The following USP18 variants were observed in gnomAD, a reference collection of about 807,000 sequenced individuals.
USP18 encodes the protein ubiquitin specific peptidase 18.
A neutral mutation model predicts 48.7 loss-of-function variants in USP18; 11 were observed. The ratio of observed to expected loss-of-function variants is 0.23; its 90% CI spans 0.14 to 0.37. The LOEUF is 0.37. USP18 is among the 10% of genes least tolerant of loss of function. The probability of loss-of-function intolerance (pLI) is 1.00; values close to 1 mark genes in which losing one functional copy is unlikely to be tolerated. For synonymous variants in USP18, 114 were observed against 163.2 expected (o/e 0.70, Z 2.30); for missense variants, 285 against 436.4 (o/e 0.65, Z 3.09).
intron 5 of USP18, among the ~76,000 whole-genome samples, chr22:18,167,554 T>C (rs369270993): frequency 1.2e-3 from 177 of 151,846 alleles, no homozygotes; most frequent in African/African-American, 4.2e-3. Flanking sequence ...AAAAATTAGC[T>C]GGGCGTGGTG....
At chr22:18,172,938 G>C (rs1929674695) in intron 8 of USP18, among the ~76,000 whole-genome samples, 1 of 150,098 alleles carries the variant, frequency 6.7e-6, no homozygotes, top group Admixed American at 6.6e-5. Context: ...TCCATCTCTT[G>C]CGTGCTCTGC....
Position 18,157,662 on chromosome 22 carries a change from G to T in USP18, c.-2G>T. The T allele has an allele frequency of 1.2e-6, 2 of 1,614,058 alleles. No homozygotes were observed. Among genetic ancestry groups the T allele is most frequent in the South Asian group, 2.2e-5 (2 of 91,072 alleles). The stretch of plus-strand genomic sequence containing the variant: ...GGCCTGGGGGTTTTGGAGTGATCAC[G>T]AATGAGCAAGGCGTTTGGGCTCCTG... On this transcript the variant is annotated 5_prime_UTR_variant, in exon 2 of 11. Transcript: ENST00000215794.
At chr22:18,168,681 C>T (rs1929548838) in intron 6 of USP18, among the ~76,000 whole-genome samples, 1 of 152,096 alleles carries the variant, frequency 6.6e-6, no homozygotes, top group Admixed American at 6.5e-5. Flanking sequence ...GCCACCTTGC[C>T]CTCCCCAATT....
chr22:18,150,284 T>C (rs1400322520), intron 1 of USP18, 62 bp downstream of exon 1: 1 of 152,242 alleles, frequency 6.6e-6, no homozygotes, highest in Non-Finnish European at 1.5e-5. Context: ...TCTGCTCCTA[T>C]GCCAGTCAGA....
chr22:18,160,004 T>C (rs1186962347), intron 2 of USP18, among the ~76,000 whole-genome samples, 168 bp from the exon 3 acceptor site: 1 of 151,628 alleles, frequency 6.6e-6, no homozygotes, highest in African/African-American at 2.4e-5. Context: ...TGTAGAGACA[T>C]GGTTTTACCA....
intron 4 of USP18, among the ~76,000 whole-genome samples, chr22:18,164,157 G>A (rs1025292108): frequency 8.9e-4 from 135 of 152,296 alleles, no homozygotes; most frequent in African/African-American, 3.2e-3. Flanking sequence ...AAACCAGTGG[G>A]AGCAGCTGTG....
intron 1 of USP18, among the ~76,000 whole-genome samples, chr22:18,154,828 T>C (rs1929087539): frequency 6.6e-6 from 1 of 152,226 alleles, no homozygotes; most frequent in African/African-American, 2.4e-5. Context: ...TTGATCCTTA[T>C]GGCTGTGTGT....
At chr22:18,175,319 G>T (rs563527358) in intron 10 of USP18, among the ~76,000 whole-genome samples, 1 of 152,082 alleles carries the variant, frequency 6.6e-6, no homozygotes, top group Non-Finnish European at 1.5e-5. Flanking sequence ...CTGTATATCA[G>T]AGATCCTATT....
chr22:18,153,333 G>A (rs1005579569), intron 1 of USP18, among the ~76,000 whole-genome samples: 2 of 151,146 alleles, frequency 1.3e-5, no homozygotes, highest in Non-Finnish European at 2.9e-5. Context: ...GGACACTAAG[G>A]CAGGGGAAGT....
In USP18 at chr22:18,173,794, T is replaced by G. The variant is rs1602534036; in HGVS notation, c.1025T>G (p.Val342Gly). ...FCFNDSNICL[V>G]SWEDIQCTYG... is the part of the protein sequence containing the mutation. ...ACCCCATTTGTTTCTGGCTTCCAGGTGTCCTGGGAAGACATCCAGTGTACC... is the reference window on the plus strand; with the variant it reads ...ACCCCATTTGTTTCTGGCTTCCAGGGGTCCTGGGAAGACATCCAGTGTACC... The change falls in exon 10 of 11, where the codon GTG becomes GGG. Residue 342 changes from valine to glycine, a missense_variant and splice_region_variant. This residue lies in a region of USP18 where 44 missense variants were observed against 64.4 expected (regional missense o/e 0.68). Transcript: ENST00000215794. 6.2e-7 allele frequency: 1 copy of G among 1,607,506 alleles called. No homozygotes were observed. Among genetic ancestry groups the G allele is most frequent in the Non-Finnish European group, 8.5e-7 (1 of 1,175,564 alleles).
chr22:18,168,791 C>T (rs1160974980), intron 6 of USP18, among the ~76,000 whole-genome samples: 1 of 152,182 alleles, frequency 6.6e-6, no homozygotes, highest in Non-Finnish European at 1.5e-5. Context: ...CACCACACAG[C>T]ACAGTGTGGC....
At chr22:18,157,879 C>T (rs527321600) in intron 2 of USP18, 59 bp downstream of exon 2, 4 of 1,601,254 alleles carry the variant, frequency 2.5e-6, no homozygotes, top group African/African-American at 2.7e-5. Flanking sequence ...CGGCTCACCC[C>T]CTCCGCTCTG....
At chr22:18,175,890 C>T (rs1362001782) in intron 10 of USP18, among the ~76,000 whole-genome samples, 2 of 149,768 alleles carry the variant, frequency 1.3e-5, no homozygotes, top group Admixed American at 6.6e-5. Context: ...AAAACTGAGG[C>T]AGGAGGGTCA....
chr22:18,167,493 C>T (rs887391434), intron 5 of USP18, among the ~76,000 whole-genome samples, 159 bp downstream of exon 5: 5 of 152,052 alleles, frequency 3.3e-5, no homozygotes, highest in Non-Finnish European at 7.4e-5. Context: ...GTCAGGAGAT[C>T]GAGACCATCC....
Position 18,154,630 on chromosome 22 carries a change from G to T in USP18, c.-106-2928G>T, listed in dbSNP as rs543447424. Among the ~76,000 whole-genome samples the T allele has an allele frequency of 1.4e-3, 159 of 116,126 alleles. 2 individuals are homozygous for T. The East Asian group carries it at 0.056, about 41-fold the overall frequency. 76.2% of individuals were successfully genotyped at this position (116,126 alleles called of 152,430 possible). On this transcript the variant is annotated intron_variant, in intron 1 of 10. Transcript: ENST00000215794. The stretch of plus-strand genomic sequence containing the variant: ...ACCATCTAAATTTTTTTTTAGAGAT[G>T]GGGTCTCAGTATGTTGCCCGGGCTA...
At chr22:18,167,697 CAAAA>C (rs748332867) in intron 5 of USP18, among the ~76,000 whole-genome samples, 189 bp from the exon 6 acceptor site, 3,347 of 94,304 alleles carry the variant, frequency 0.035, 122 homozygotes, top group African/African-American at 0.11. Context: ...GACTCTGTCT[CAAAA>C]AAAAAAAAAA....
chr22:18,153,070 T>C (rs1929039778), intron 1 of USP18, among the ~76,000 whole-genome samples: 1 of 152,212 alleles, frequency 6.6e-6, no homozygotes, highest in South Asian at 2.1e-4. Flanking sequence ...TTTATAACTA[T>C]TGAAAGTCAA....
intron 2 of USP18, among the ~76,000 whole-genome samples, chr22:18,159,875 C>G (rs551446165): frequency 6.6e-6 from 1 of 152,038 alleles, no homozygotes; most frequent in Non-Finnish European, 1.5e-5. Flanking sequence ...GACGGGGTTT[C>G]ACCGTGTTAG....
In USP18 at chr22:18,170,924, G is replaced by A; in HGVS notation, c.891+4G>A. On this transcript the variant is annotated splice_donor_region_variant and intron_variant, in intron 8 of 10. Coordinates refer to ENST00000215794, the MANE Select transcript of USP18 (RefSeq NM_017414.4). Reference sequence around the variant, plus strand: ...GTCTTGTGATGCTGAGGAGCAGGTGGGATGATCCCGACCTCCTTGCCATCC... The same window carrying A: ...GTCTTGTGATGCTGAGGAGCAGGTGAGATGATCCCGACCTCCTTGCCATCC... 3 of 1,331,106 alleles carry A rather than the reference G, an allele frequency of 2.3e-6. No individual in the cohort carries two copies. The highest frequency in any genetic ancestry group is 2.0e-6 in the Non-Finnish European group (2 of 987,502). 82.5% of individuals were successfully genotyped at this position (1,331,106 alleles called of 1,614,324 possible). A position where few individuals can be genotyped will look rare whatever the true frequency, so the allele number is the denominator to read the frequency against.
Sources: allele counts gnomAD v4.1 joint callset (sites outside exome capture counted in the v4.1 genomes callset), GRCh38; gene constraint gnomAD v4.1.1; regional missense constraint gnomAD v4.1.1; transcripts MANE v1.5; gene names NCBI Gene and HGNC (gene_info 2026-07-23, HGNC 2026-07-21).